The following CDH18 variants were observed in gnomAD, a reference collection of about 807,000 sequenced individuals.
CDH18 encodes cadherin-18.
A neutral mutation model predicts 67.9 loss-of-function variants in CDH18; 31 were observed. That is an observed-to-expected ratio of 0.46 (90% CI 0.34 to 0.62). CDH18 has a LOEUF of 0.62. CDH18 is among the 20% of genes least tolerant of loss of function. CDH18 has a pLI of 0.01. For missense variants in CDH18, 890 were observed against 975.5 expected (o/e 0.91, Z 1.17); for synonymous variants, 362 against 347.2 (o/e 1.04, Z -0.48).
At chr5:19,722,944 T>C (rs74419325) in intron 4 of CDH18, among the ~76,000 whole-genome samples, 3,894 of 152,196 alleles carry the variant, frequency 0.026, 123 homozygotes, top group African/African-American at 0.076. Flanking sequence ...AATTTGTACT[T>C]CTAGGCCCGG....
At chr5:20,287,130 A>T (rs1002296901) in intron 1 of CDH18, among the ~76,000 whole-genome samples, 1 of 151,710 alleles carries the variant, frequency 6.6e-6, no homozygotes, top group Non-Finnish European at 1.5e-5. Flanking sequence ...GCCTAAGTGG[A>T]TTGATATCTG....
chr5:19,828,072 C>A (rs1465898107), intron 3 of CDH18, among the ~76,000 whole-genome samples: 3 of 151,952 alleles, frequency 2.0e-5, no homozygotes, highest in Non-Finnish European at 2.9e-5. Flanking sequence ...ATACAAAAAA[C>A]CCTCAGTAAC....
intron 2 of CDH18, among the ~76,000 whole-genome samples, chr5:19,855,857 A>G (rs909890126): frequency 6.6e-6 from 1 of 152,190 alleles, no homozygotes; most frequent in African/African-American, 2.4e-5. Context: ...CAAAGGGAAA[A>G]AGACTATCTT....
At chr5:19,529,604 A>T (rs1275523699) in intron 9 of CDH18, among the ~76,000 whole-genome samples, 2 of 152,108 alleles carry the variant, frequency 1.3e-5, no homozygotes, top group African/African-American at 4.8e-5. Context: ...TATACAAAAA[A>T]ATAGAATTAT....
intron 1 of CDH18, among the ~76,000 whole-genome samples, chr5:20,490,405 A>G (rs1029015704): frequency 9.2e-5 from 14 of 152,150 alleles, no homozygotes; most frequent in Admixed American, 7.2e-4. Flanking sequence ...GACTCTAATT[A>G]CATGCCTACC....
intron 1 of CDH18, among the ~76,000 whole-genome samples, chr5:20,453,434 A>C (rs1750611366): frequency 6.6e-6 from 1 of 152,134 alleles, no homozygotes; most frequent in Admixed American, 6.6e-5. Context: ...AAGATCTTTA[A>C]TTTTCAAACA....
At chr5:19,973,903 G>A (rs947054751) in intron 2 of CDH18, among the ~76,000 whole-genome samples, 10 of 152,064 alleles carry the variant, frequency 6.6e-5, no homozygotes, top group African/African-American at 2.4e-4. Flanking sequence ...TTTTGAAAGA[G>A]AGGAACAACA....
At chr5:20,548,176 A>G (rs1561119386) in intron 1 of CDH18, among the ~76,000 whole-genome samples, 1 of 150,434 alleles carries the variant, frequency 6.6e-6, no homozygotes, top group Non-Finnish European at 1.5e-5. Context: ...GCTTAATGTG[A>G]AAGATAGTTA....
chr5:20,296,110 G>A (rs1315740218), intron 1 of CDH18, among the ~76,000 whole-genome samples: 11 of 151,472 alleles, frequency 7.3e-5, no homozygotes, highest in Non-Finnish European at 1.2e-4. Context: ...AGCTGACCTC[G>A]TGATTCGCCC....
intron 2 of CDH18, among the ~76,000 whole-genome samples, chr5:20,049,542 T>G (rs1175473154): frequency 6.6e-6 from 1 of 151,670 alleles, no homozygotes; most frequent in Non-Finnish European, 1.5e-5. Flanking sequence ...CACTACAATA[T>G]AGCAAGTTTT....
intron 1 of CDH18, among the ~76,000 whole-genome samples, chr5:20,563,144 A>G (rs1758314458): frequency 6.6e-6 from 1 of 151,792 alleles, no homozygotes; most frequent in African/African-American, 2.4e-5. Flanking sequence ...AAAAAGCATA[A>G]ATGTCTCTGC....
At position 20,420,306 on chromosome 5, in the gene CDH18, G is replaced by T. The variant is rs186552159; in HGVS notation, c.-580+155156C>A. Among the ~76,000 whole-genome samples, 10 of 151,210 alleles carry T rather than the reference G, an allele frequency of 6.6e-5. No homozygotes were observed. In the East Asian group the frequency reaches 1.9e-3, roughly 29 times the overall value. ...ACTTTGGGCACTTGCTCTTTGTAAA[G>T]GTTAAATCCATCCACTAGAAATGAT... On this transcript the variant is annotated intron_variant, in intron 1 of 14. Transcript: ENST00000507958.
intron 1 of CDH18, among the ~76,000 whole-genome samples, chr5:20,339,847 C>T (rs1740109378): frequency 6.6e-6 from 1 of 152,186 alleles, no homozygotes; most frequent in Non-Finnish European, 1.5e-5. Flanking sequence ...TTTATGCAAC[C>T]CTTGAATCAA....
At chr5:20,433,594 T>G (rs1407076926) in intron 1 of CDH18, among the ~76,000 whole-genome samples, 1 of 152,044 alleles carries the variant, frequency 6.6e-6, no homozygotes, top group African/African-American at 2.4e-5. Flanking sequence ...GGGAGATATT[T>G]GAGGAGGAGA....
chr5:20,252,374 A>C (rs1743925663), intron 2 of CDH18, among the ~76,000 whole-genome samples: 1 of 152,024 alleles, frequency 6.6e-6, no homozygotes, highest in Non-Finnish European at 1.5e-5. Context: ...AAACAAAAAA[A>C]AAATCACTCA....
At chr5:20,332,290 TC>T (rs1468822473) in intron 1 of CDH18, among the ~76,000 whole-genome samples, 2 of 152,248 alleles carry the variant, frequency 1.3e-5, no homozygotes, top group Admixed American at 1.3e-4. Flanking sequence ...ATTTCCATCT[TC>T]CACTACCCTC....
intron 1 of CDH18, among the ~76,000 whole-genome samples, chr5:20,328,640 A>G (rs9885176): frequency 0.11 from 16,567 of 151,762 alleles, 1,500 homozygotes; most frequent in East Asian, 0.37. Context: ...TAAACAGCCT[A>G]CTCCTCATCT....
intron 2 of CDH18, among the ~76,000 whole-genome samples, chr5:19,852,833 C>T (rs1416500937): frequency 6.6e-6 from 1 of 151,994 alleles, no homozygotes; most frequent in Non-Finnish European, 1.5e-5. Flanking sequence ...CCAAACAGAA[C>T]ACATGTATTC....
intron 2 of CDH18, among the ~76,000 whole-genome samples, chr5:20,101,654 G>T (rs990323717): frequency 1.3e-5 from 2 of 152,184 alleles, no homozygotes; most frequent in Non-Finnish European, 2.9e-5. Flanking sequence ...GGATTAAAAA[G>T]ACTCTGCAGT....
Sources: gnomAD v4.1 joint callset for allele counts (sites outside exome capture counted in the v4.1 genomes callset) on GRCh38, gnomAD v4.1.1 for gene constraint, MANE v1.5 for transcripts, NCBI Gene and HGNC (gene_info 2026-07-23, HGNC 2026-07-21) for gene names.